Variants in MALRD1 observed in about 807,000 individuals in gnomAD.
MALRD1 encodes MAM and LDL receptor class A domain containing 1, also known as MAM and LDL-receptor class A domain-containing protein 1.
Under a neutral mutation model 242.1 loss-of-function variants are expected in MALRD1, and 247 were observed. That is an observed-to-expected ratio of 1.02 (90% confidence interval 0.92 to 1.13). MALRD1 has a LOEUF of 1.13. Ranked by LOEUF, MALRD1 falls within the 50% of genes most tolerant of loss-of-function variation. The pLI, the probability that MALRD1 is intolerant of heterozygous loss-of-function variation, is 0.00. For synonymous variants in MALRD1, 995 were observed against 866.6 expected (o/e 1.15, Z -2.60); for missense variants, 2,989 against 2,533.1 (o/e 1.18, Z -3.86).
At chr10:19,593,377 A>T (rs1199856232) in intron 33 of MALRD1, among the ~76,000 whole-genome samples, 1 of 152,190 alleles carries the variant, frequency 6.6e-6, no homozygotes, top group Non-Finnish European at 1.5e-5. Context: ...TTCTAGATAC[A>T]TCTTCACTAT....
intron 29 of MALRD1, among the ~76,000 whole-genome samples, chr10:19,476,452 T>C (rs7922824): frequency 0.86 from 130,998 of 152,032 alleles, 56,602 homozygotes; most frequent in East Asian, 1. Context: ...TAAGAAGACA[T>C]GCCCACTGAG....
intron 38 of MALRD1, among the ~76,000 whole-genome samples, chr10:19,727,003 T>C (rs9417254): frequency 0.37 from 55,873 of 152,118 alleles, 11,808 homozygotes; most frequent in Admixed American, 0.46. Flanking sequence ...AAAAACATTT[T>C]GGAAATAGTG....
chr10:19,206,652 G>A (rs1024244264), intron 17 of MALRD1, among the ~76,000 whole-genome samples: 1 of 152,094 alleles, frequency 6.6e-6, no homozygotes, highest in Non-Finnish European at 1.5e-5. Context: ...TTTCCATCAA[G>A]GCATATTACT....
chr10:19,717,628 C>A (rs565017087), intron 38 of MALRD1, among the ~76,000 whole-genome samples: 1 of 152,200 alleles, frequency 6.6e-6, no homozygotes, highest in South Asian at 2.1e-4. Flanking sequence ...ATTTGTAGAT[C>A]CTTGGAAGGT....
At chr10:19,462,291 C>T (rs1835986016) in intron 29 of MALRD1, among the ~76,000 whole-genome samples, 1 of 152,194 alleles carries the variant, frequency 6.6e-6, no homozygotes, top group South Asian at 2.1e-4. Flanking sequence ...TCTACCTGCC[C>T]TAATCATCCT....
At chr10:19,476,595 G>T (rs971410950) in intron 29 of MALRD1, among the ~76,000 whole-genome samples, 1 of 152,126 alleles carries the variant, frequency 6.6e-6, no homozygotes, top group African/African-American at 2.4e-5. Flanking sequence ...GCTTACCCCA[G>T]GCTGGTGGGG....
At chr10:19,082,520 T>C (rs890584040) in intron 2 of MALRD1, among the ~76,000 whole-genome samples, 2 of 151,984 alleles carry the variant, frequency 1.3e-5, no homozygotes, top group African/African-American at 4.8e-5. Context: ...CTTAGCTCTT[T>C]GAAAACATTT....
In MALRD1 at chr10:19,613,288, C is replaced by T. The variant is rs527264603; in HGVS notation, c.6071-2569C>T. Among the ~76,000 whole-genome samples, 22 of 152,052 alleles carry T rather than the reference C, an allele frequency of 1.4e-4. No individual in the cohort carries two copies. In the South Asian group the frequency reaches 4.6e-3, roughly 32 times the overall value. On this transcript the variant is annotated intron_variant, in intron 35 of 39. Transcript: ENST00000454679. The stretch of plus-strand genomic sequence containing the variant: ...TAAATATTTCATCTGAGGTTCAGAC[C>T]TGCAAATTCCAGTGCCCACAGGTCG...
chr10:19,054,011 C>G lies in MALRD1; in HGVS notation c.199+4874C>G, dbSNP rs1834589777. ...AAAAAGTAATTTGTAGGTCTAATAA[C>G]TGTTTGGGTCTAGTGTTGATGAGAA... On this transcript the variant is annotated intron_variant, in intron 1 of 39. Transcript: ENST00000454679. Among the ~76,000 whole-genome samples, 3 of 152,132 alleles carry G rather than the reference C, an allele frequency of 2.0e-5. No homozygotes were observed. In the South Asian group the frequency reaches 6.2e-4, roughly 32 times the overall value.
intron 32 of MALRD1, among the ~76,000 whole-genome samples, chr10:19,541,088 A>G (rs140549224): frequency 4.6e-5 from 7 of 152,332 alleles, no homozygotes; most frequent in Admixed American, 1.3e-4. Flanking sequence ...TAAAAATGCA[A>G]TCTTATTATG....
chr10:19,515,725 A>T (rs976842129), intron 31 of MALRD1, among the ~76,000 whole-genome samples: 1 of 151,848 alleles, frequency 6.6e-6, no homozygotes, highest in Non-Finnish European at 1.5e-5. Context: ...ACGCCTGGCT[A>T]ATTTTTTTTC....
At chr10:19,554,904 A>G (rs1372933342) in intron 32 of MALRD1, among the ~76,000 whole-genome samples, 1 of 152,102 alleles carries the variant, frequency 6.6e-6, no homozygotes, top group Admixed American at 6.6e-5. Context: ...CTTTGGGTAT[A>G]TACCCACTAA....
rs114909390 is a variant in MALRD1 at position 19,235,885 on chromosome 10, A to G, written c.2992-21799A>G. ...GGTATTTCAAACCCTTGAAGCTTCT[A>G]TGGGACATCGAAGTGGAAATAACAG... On this transcript the variant is annotated intron_variant, in intron 18 of 39. Transcript: ENST00000454679. Among the ~76,000 whole-genome samples the G allele has an allele frequency of 6.4e-3, 971 of 152,218 alleles. 10 individuals carry two copies. The highest frequency in any genetic ancestry group is 0.022 in the African/African-American group (895 of 41,550).
intron 18 of MALRD1, among the ~76,000 whole-genome samples, chr10:19,233,946 T>A (rs1838192441): frequency 6.6e-6 from 1 of 152,116 alleles, no homozygotes; most frequent in Non-Finnish European, 1.5e-5. Flanking sequence ...ATGTTTTGTT[T>A]TTGATATATA....
chr10:19,678,257 C>A (rs10764126), intron 36 of MALRD1, among the ~76,000 whole-genome samples: 2 of 151,970 alleles, frequency 1.3e-5, no homozygotes, highest in Admixed American at 1.3e-4. Context: ...AATTACTTTG[C>A]GCAGTATGGC....
chr10:19,426,992 T>A lies in MALRD1; in HGVS notation c.4846-23315T>A, dbSNP rs140107559. Among the ~76,000 whole-genome samples the A allele has an allele frequency of 1.7e-4, 26 of 152,348 alleles. No homozygotes were observed. The East Asian group carries it at 4.8e-3, about 28-fold the overall frequency. On this transcript the variant is annotated intron_variant, in intron 28 of 39. Transcript: ENST00000454679. Reference sequence around the variant, plus strand: ...TTTGCAGTTTCTTTTCCGTAATGACTGTCGCTATGAAGAATGTCGATGCTG... The same window carrying A: ...TTTGCAGTTTCTTTTCCGTAATGACAGTCGCTATGAAGAATGTCGATGCTG...
At chr10:19,634,728 G>A (rs1388646065) in intron 36 of MALRD1, among the ~76,000 whole-genome samples, 2 of 152,078 alleles carry the variant, frequency 1.3e-5, no homozygotes, top group African/African-American at 4.8e-5. Flanking sequence ...CAACGTGGTT[G>A]CACAGCTAAA....
intron 21 of MALRD1, 103 bp downstream of exon 21, chr10:19,283,284 A>G: frequency 1.0e-6 from 1 of 966,296 alleles, no homozygotes; most frequent in Non-Finnish European, 1.4e-6. Flanking sequence ...GCTACTGTAA[A>G]GACAAATGTT....
intron 33 of MALRD1, among the ~76,000 whole-genome samples, chr10:19,575,953 C>T (rs1326032416): frequency 3.3e-5 from 5 of 152,172 alleles, no homozygotes; most frequent in Non-Finnish European, 2.9e-5. Flanking sequence ...GAAAGATAGA[C>T]CACTCCCCTA....
Sources: allele counts gnomAD v4.1 joint callset (sites outside exome capture counted in the v4.1 genomes callset), GRCh38; gene constraint gnomAD v4.1.1; transcripts MANE v1.5; gene names NCBI Gene and HGNC (gene_info 2026-07-23, HGNC 2026-07-21).